The following TMC1 variants were observed in gnomAD, a reference collection of about 807,000 sequenced individuals.
TMC1 encodes transmembrane channel-like protein 1.
A neutral mutation model predicts 105.8 loss-of-function variants in TMC1; 84 were observed. The observed-to-expected ratio is 0.79, with a 90% confidence interval of 0.67 to 0.95. The LOEUF is 0.95. TMC1 is among the 40% of genes least tolerant of loss of function. The probability of loss-of-function intolerance (pLI) is 0.00; values close to 1 mark genes in which losing one functional copy is unlikely to be tolerated. For missense variants in TMC1, 817 were observed against 914.1 expected, an observed-to-expected ratio of 0.89 and a Z score of 1.37; for synonymous variants, 315 against 311.5, an observed-to-expected ratio of 1.01 and a Z score of -0.12.
intron 1 of TMC1, among the ~76,000 whole-genome samples, chr9:72,560,654 A>G (rs183670669): frequency 3.2e-4 from 48 of 152,182 alleles, no homozygotes; most frequent in Non-Finnish European, 6.0e-4. Context: ...GCATGCCACC[A>G]TGCCTGGCTA....
intron 1 of TMC1, among the ~76,000 whole-genome samples, chr9:72,574,129 T>A (rs1824334944): frequency 6.6e-6 from 1 of 152,236 alleles, no homozygotes; most frequent in South Asian, 2.1e-4. Context: ...ATCTTGTTCC[T>A]TTTAATTTAC....
intron 8 of TMC1, among the ~76,000 whole-genome samples, chr9:72,702,499 A>G (rs1826661358): frequency 6.6e-6 from 1 of 152,200 alleles, no homozygotes; most frequent in Non-Finnish European, 1.5e-5. Flanking sequence ...TATGTAAAAC[A>G]TGTTGCCAGA....
At chr9:72,542,967 C>T (rs577244213) in intron 1 of TMC1, among the ~76,000 whole-genome samples, 7 of 152,248 alleles carry the variant, frequency 4.6e-5, no homozygotes, top group Non-Finnish European at 8.8e-5. Context: ...ATATGAGCCA[C>T]CGCACCCAGC....
intron 2 of TMC1, among the ~76,000 whole-genome samples, chr9:72,585,747 G>A (rs746582334): frequency 5.9e-5 from 9 of 152,152 alleles, no homozygotes; most frequent in Non-Finnish European, 8.8e-5. Flanking sequence ...GTGCAGATAG[G>A]ACCTGGTGGT....
chr9:72,752,838 A>T (rs1827602636), intron 11 of TMC1, among the ~76,000 whole-genome samples: 1 of 152,036 alleles, frequency 6.6e-6, no homozygotes, highest in Admixed American at 6.6e-5. Context: ...CTATACTAAG[A>T]CTCCTATTAA....
At chr9:72,671,675 T>C (rs1458150135) in intron 5 of TMC1, among the ~76,000 whole-genome samples, 2 of 152,078 alleles carry the variant, frequency 1.3e-5, no homozygotes, top group Non-Finnish European at 2.9e-5. Flanking sequence ...GCTTGAGGGG[T>C]GTCCTGGAAT....
At chr9:72,529,885 G>T (rs1823470186) in intron 1 of TMC1, among the ~76,000 whole-genome samples, 1 of 152,140 alleles carries the variant, frequency 6.6e-6, no homozygotes. Flanking sequence ...AAAGATTGAA[G>T]ACTTGACTCC....
At chr9:72,634,959 TC>T (rs1258448453) in intron 4 of TMC1, among the ~76,000 whole-genome samples, 11 of 152,222 alleles carry the variant, frequency 7.2e-5, no homozygotes, top group African/African-American at 2.6e-4. Context: ...TGGAAGCTCT[TC>T]GAAAAATGTT....
At chr9:72,635,695 G>A (rs1564458966) in intron 4 of TMC1, among the ~76,000 whole-genome samples, 1 of 152,278 alleles carries the variant, frequency 6.6e-6, no homozygotes, top group East Asian at 1.9e-4. Flanking sequence ...TTTAAAGTAA[G>A]CATAGAAAGC....
intron 8 of TMC1, among the ~76,000 whole-genome samples, chr9:72,703,799 C>G (rs1160581707): frequency 6.6e-6 from 1 of 152,218 alleles, no homozygotes; most frequent in African/African-American, 2.4e-5. Context: ...GGCTCACAGT[C>G]TGGTGATGAT....
chr9:72,523,957 A>C (rs1051005980), intron 1 of TMC1, among the ~76,000 whole-genome samples: 1 of 152,240 alleles, frequency 6.6e-6, no homozygotes, highest in African/African-American at 2.4e-5. Flanking sequence ...TTGCAGCCAC[A>C]AGTCTACAGA....
In TMC1 at chr9:72,685,100, C is replaced by CTTT. The variant is rs71359515; in HGVS notation, c.17-3587_17-3585dup. Among the ~76,000 whole-genome samples the CTTT allele has an allele frequency of 9.2e-3, 836 of 91,000 alleles. 30 individuals carry two copies. The highest frequency in any genetic ancestry group is 0.013 in the African/African-American group (274 of 21,100). The allele number at this position is 91,000 out of a possible 152,430, so 59.7% of individuals were successfully genotyped here. ...CAAACCTTACTGTTATAAAGTCATT[C>CTTT]TTTTTTTTTTTTTTTTTTTTTTTTG... is the stretch of plus-strand genomic sequence containing the variant. On this transcript the variant is annotated intron_variant, in intron 5 of 23. Coordinates refer to ENST00000297784, the MANE Select transcript of TMC1 (RefSeq NM_138691.3).
chr9:72,655,715 C>G, intron 5 of TMC1: 1 of 429,162 alleles, frequency 2.3e-6, no homozygotes, highest in South Asian at 2.3e-5. Flanking sequence ...GCACTCCAGC[C>G]CGGGCGACAG....
intron 7 of TMC1, 103 bp from the exon 8 acceptor site, chr9:72,700,415 A>T: frequency 1.1e-6 from 1 of 939,130 alleles, no homozygotes; most frequent in Non-Finnish European, 1.6e-6. Flanking sequence ...GCATATGGTT[A>T]CATTTAAAAA....
intron 2 of TMC1, among the ~76,000 whole-genome samples, chr9:72,603,655 T>C (rs1651157906): frequency 6.6e-6 from 1 of 152,074 alleles, no homozygotes; most frequent in Admixed American, 6.6e-5. Flanking sequence ...GTTCAAGCAA[T>C]TCTCCTGCCG....
At chr9:72,785,367 TTA>T (rs1444218370) in intron 13 of TMC1, among the ~76,000 whole-genome samples, 1 of 152,198 alleles carries the variant, frequency 6.6e-6, no homozygotes, top group Non-Finnish European at 1.5e-5. Context: ...AAAACTATCA[TTA>T]ATTTCTTTTT....
intron 1 of TMC1, among the ~76,000 whole-genome samples, chr9:72,548,642 G>A (rs1040082761): frequency 2.6e-5 from 4 of 151,500 alleles, no homozygotes; most frequent in Admixed American, 6.6e-5. Flanking sequence ...TTTCTTTTCC[G>A]GGAGTTGTAT....
At chr9:72,686,622 C>G (rs1346173271) in intron 5 of TMC1, among the ~76,000 whole-genome samples, 1 of 152,170 alleles carries the variant, frequency 6.6e-6, no homozygotes, top group Non-Finnish European at 1.5e-5. Flanking sequence ...GACACCTTTG[C>G]TGAGGGTTTG....
intron 1 of TMC1, among the ~76,000 whole-genome samples, chr9:72,540,992 A>C (rs1435790622): frequency 6.6e-6 from 1 of 152,166 alleles, no homozygotes; most frequent in African/African-American, 2.4e-5. Flanking sequence ...GCTTTATTAA[A>C]ACTTCTGACT....
Sources: gnomAD v4.1 joint callset for allele counts (sites outside exome capture counted in the v4.1 genomes callset) on GRCh38, gnomAD v4.1.1 for gene constraint, MANE v1.5 for transcripts, NCBI Gene and HGNC (gene_info 2026-07-23, HGNC 2026-07-21) for gene names.